ALK: variants seen among roughly 807,000 people sequenced by gnomAD.
The protein encoded by ALK is ALK tyrosine kinase receptor.
ALK carries 74 observed loss-of-function variants against 163.1 expected under a neutral mutation model. The observed-to-expected ratio is 0.45, with a 90% CI of 0.38 to 0.55. ALK has a LOEUF of 0.55. ALK is among the 20% of genes least tolerant of loss of function. The pLI is 0.00. For missense variants in ALK, 2,063 were observed against 2,105.3 expected, an observed-to-expected ratio of 0.98 and a Z score of 0.39; for synonymous variants, 960 against 843.2, an observed-to-expected ratio of 1.14 and a Z score of -2.40.
Position 29,220,774 on chromosome 2 carries a change from AC to A in ALK, c.3576del (p.Phe1193SerfsTer65). The A allele has an allele frequency of 6.2e-7, 1 of 1,613,944 alleles. No homozygotes were observed. The highest frequency in any genetic ancestry group is 1.3e-5 in the African/African-American group (1 of 74,984). The part of the protein sequence containing the change: ...CIGVSLQSLP[R>X]FILLELMAGG... The stretch of plus-strand genomic sequence containing the variant: ...CCCGCCATGAGCTCCAGCAGGATGA[AC>A]CGGGGCAGGGATTGCAGGCTCACCC... On this transcript the variant is annotated frameshift_variant, in exon 23 of 29. Coordinates refer to ENST00000389048, the MANE Select transcript of ALK (RefSeq NM_004304.5). LOFTEE classifies it high-confidence loss of function.
chr2:29,874,744 A>G (rs1666661474), intron 1 of ALK, among the ~76,000 whole-genome samples: 2 of 152,218 alleles, frequency 1.3e-5, no homozygotes. Context: ...TTCAAAGGGT[A>G]GTAATTCCCA....
chr2:29,428,908 T>C (rs1348963129), intron 4 of ALK, among the ~76,000 whole-genome samples: 1 of 152,016 alleles, frequency 6.6e-6, no homozygotes, highest in Non-Finnish European at 1.5e-5. Flanking sequence ...AAAAGACTTG[T>C]ACTCCATGAC....
chr2:29,260,684 T>C (rs1353005552), intron 11 of ALK, among the ~76,000 whole-genome samples: 2 of 151,774 alleles, frequency 1.3e-5, no homozygotes, highest in Non-Finnish European at 2.9e-5. Context: ...AAAATACAAA[T>C]ATTAGCCAGG....
At chr2:29,639,725 T>C (rs915681624) in intron 3 of ALK, among the ~76,000 whole-genome samples, 7 of 152,198 alleles carry the variant, frequency 4.6e-5, no homozygotes, top group Non-Finnish European at 1.0e-4. Flanking sequence ...TCAGTGAACA[T>C]AAGGCAAACA....
At chr2:29,378,414 G>A (rs183846929) in intron 5 of ALK, among the ~76,000 whole-genome samples, 6 of 152,272 alleles carry the variant, frequency 3.9e-5, no homozygotes, top group Admixed American at 1.3e-4. Context: ...CAAACTGCAA[G>A]GTGTGGTAGC....
At chr2:29,634,022 G>T (rs1291351181) in intron 3 of ALK, among the ~76,000 whole-genome samples, 1 of 151,938 alleles carries the variant, frequency 6.6e-6, no homozygotes, top group African/African-American at 2.4e-5. Context: ...AATAGAAGAG[G>T]TACAATTTCC....
At chr2:29,822,355 G>A (rs1424677275) in intron 1 of ALK, among the ~76,000 whole-genome samples, 5 of 152,214 alleles carry the variant, frequency 3.3e-5, no homozygotes, top group Non-Finnish European at 5.9e-5. Flanking sequence ...TTAGGCAGAG[G>A]GGAGACAAAG....
At chr2:29,253,916 T>C (rs1327774540) in intron 11 of ALK, among the ~76,000 whole-genome samples, 1 of 152,166 alleles carries the variant, frequency 6.6e-6, no homozygotes, top group Non-Finnish European at 1.5e-5. Context: ...GTGGTTTGGC[T>C]GTGTCCCCAC....
At chr2:29,641,456 T>C (rs954881260) in intron 3 of ALK, among the ~76,000 whole-genome samples, 2 of 152,170 alleles carry the variant, frequency 1.3e-5, no homozygotes, top group Non-Finnish European at 2.9e-5. Context: ...GAGTTGGATC[T>C]GCTGAACAGC....
intron 4 of ALK, among the ~76,000 whole-genome samples, chr2:29,395,582 C>T (rs548112204): frequency 6.6e-6 from 1 of 152,216 alleles, no homozygotes; most frequent in African/African-American, 2.4e-5. Flanking sequence ...CCTCTCCTGC[C>T]TTTCTATCCC....
intron 4 of ALK, among the ~76,000 whole-genome samples, chr2:29,491,582 C>T (rs960423914): frequency 2.0e-5 from 3 of 152,180 alleles, no homozygotes; most frequent in African/African-American, 4.8e-5. Context: ...GCACGAGCAA[C>T]ATTATTCCGA....
chr2:29,615,976 C>A (rs1675833528), intron 3 of ALK, among the ~76,000 whole-genome samples: 3 of 152,394 alleles, frequency 2.0e-5, no homozygotes, highest in Middle Eastern at 3.4e-3. Flanking sequence ...TGCATCTCCT[C>A]TGCAGAGGCC....
rs1459500014 is a variant in ALK, at chr2:29,258,704, A to AGTG, written c.2042-7440_2042-7438dup. 2.0e-5 allele frequency among the ~76,000 whole-genome samples: 3 copies of AGTG among 152,356 alleles called. No individual in the cohort carries two copies. In the East Asian group the frequency reaches 5.8e-4, roughly 29 times the overall value. ...AGCTCAAATGATCACGTCTTTGGTC[A>AGTG]GTGGTAGCCTCCCAGGTCCTTTTGA... On this transcript the variant is annotated intron_variant, in intron 11 of 28. Transcript: ENST00000389048.
chr2:29,839,503 A>T (rs1665647363), intron 1 of ALK, among the ~76,000 whole-genome samples: 1 of 152,156 alleles, frequency 6.6e-6, no homozygotes, highest in Admixed American at 6.6e-5. Context: ...TTTTCTACAC[A>T]GGGAGACATG....
At chr2:29,229,188 C>A in intron 15 of ALK, 122 bp from the exon 16 acceptor site, 1 of 861,144 alleles carries the variant, frequency 1.2e-6, no homozygotes, top group Non-Finnish European at 1.9e-6. Context: ...GCTCCCGGGG[C>A]CCATCTTCAG....
At chr2:29,879,785 T>A (rs1666809636) in intron 1 of ALK, among the ~76,000 whole-genome samples, 1 of 152,220 alleles carries the variant, frequency 6.6e-6, no homozygotes, top group South Asian at 2.1e-4. Context: ...ATGCTTTTCT[T>A]TTAGGGAAAA....
chr2:29,350,750 G>A (rs1473177572), intron 5 of ALK, among the ~76,000 whole-genome samples: 1 of 152,216 alleles, frequency 6.6e-6, no homozygotes, highest in East Asian at 1.9e-4. Flanking sequence ...AACCCTGTGA[G>A]TAGGTATTAT....
intron 23 of ALK, among the ~76,000 whole-genome samples, chr2:29,216,975 G>A (rs1489177969): frequency 1.4e-5 from 2 of 140,178 alleles, no homozygotes; most frequent in South Asian, 2.3e-4. Flanking sequence ...TGTGTGCGTG[G>A]TGTGTGTGTG....
intron 1 of ALK, among the ~76,000 whole-genome samples, chr2:29,740,917 G>A (rs1041593534): frequency 3.0e-4 from 45 of 152,246 alleles, no homozygotes; most frequent in Non-Finnish European, 5.7e-4. Flanking sequence ...CAGGAGAATC[G>A]CCTGAACCCA....
Sources: allele counts gnomAD v4.1 joint callset (sites outside exome capture counted in the v4.1 genomes callset), GRCh38; gene constraint gnomAD v4.1.1; transcripts MANE v1.5; gene names NCBI Gene and HGNC (gene_info 2026-07-23, HGNC 2026-07-21).